Variants in TNRC6B observed in about 807,000 individuals in gnomAD.
TNRC6B encodes the protein trinucleotide repeat containing adaptor 6B.
In TNRC6B, 52 loss-of-function variants were observed where a neutral mutation model predicts 203.6. The observed-to-expected ratio is 0.26, with a 90% CI of 0.20 to 0.32. The LOEUF (loss-of-function observed/expected upper bound fraction) is 0.32, where lower values mean the gene tolerates loss of function less well. Ranked by LOEUF, TNRC6B falls within the 10% of genes least tolerant of loss-of-function variation. TNRC6B has a pLI of 1.00. For missense variants in TNRC6B, 1,923 were observed against 2,286.2 expected (o/e 0.84, Z 3.24); for synonymous variants, 838 against 845.7 (o/e 0.99, Z 0.16).
chr22:40,256,390 C>T (rs943406901), intron 3 of TNRC6B, among the ~76,000 whole-genome samples: 1 of 152,180 alleles, frequency 6.6e-6, no homozygotes, highest in Non-Finnish European at 1.5e-5. Context: ...TGGCCAAATT[C>T]ATTTGCCATT....
At position 40,261,982 on chromosome 22, in the gene TNRC6B, G is replaced by A; in HGVS notation, c.266G>A (p.Arg89Gln). The A allele has an allele frequency of 6.2e-7, 1 of 1,611,718 alleles. No individual in the cohort carries two copies. The highest frequency in any genetic ancestry group is 8.5e-7 in the Non-Finnish European group (1 of 1,178,586). ...CCAAGCGCCGCCCGCTACATGCCTC[G>A]GGAGGTGCCGCCGCGATTCCGTTGC... ...QPPSAARYMP[R>Q]EVPPRFRCQQ... Residue 89 changes from arginine to glutamine, a missense_variant, in exon 4 of 23, where the codon CGG becomes CAG. By Grantham distance (43) the Arg-to-Gln change is conservative. Around this residue, in one of 8 missense-constraint regions of TNRC6B, gnomAD observed 111 missense variants for 155.3 expected, o/e 0.71. Coordinates refer to ENST00000454349, the MANE Select transcript of TNRC6B (RefSeq NM_001162501.2).
rs903607212 is a variant in TNRC6B at position 40,327,052 on chromosome 22, A to C, written c.*3811A>C. The C allele has an allele frequency of 7.2e-5, 11 of 152,622 alleles. No homozygotes were observed. Among genetic ancestry groups the C allele is most frequent in the African/African-American group, 2.7e-4 (11 of 41,448 alleles). The allele number at this position is 152,622 out of a possible 1,614,324, so 9.5% of individuals were successfully genotyped here. A position where few individuals can be genotyped will look rare whatever the true frequency, so the allele number is the denominator to read the frequency against. On this transcript the variant is annotated 3_prime_UTR_variant, in exon 23 of 23. Coordinates refer to ENST00000454349, the MANE Select transcript of TNRC6B (RefSeq NM_001162501.2). ...TTCTTTTGTATTCCCTCCTGGGGCC[A>C]GGGGTCAGAATTCCCAAGCATGACC...
At chr22:40,294,757 T>A (rs1316668930) in intron 12 of TNRC6B, among the ~76,000 whole-genome samples, 1 of 152,226 alleles carries the variant, frequency 6.6e-6, no homozygotes, top group Non-Finnish European at 1.5e-5. Context: ...AGTTTGAAAT[T>A]ATTATATCAG....
At chr22:40,168,255 A>G (rs1440468214) in intron 4 of TNRC6B, among the ~76,000 whole-genome samples, 1 of 152,192 alleles carries the variant, frequency 6.6e-6, no homozygotes, top group Non-Finnish European at 1.5e-5. Context: ...TTGTTCATTC[A>G]TTCCACAATA....
At chr22:40,283,409 A>G (rs2070742974) in intron 11 of TNRC6B, among the ~76,000 whole-genome samples, 1 of 152,172 alleles carries the variant, frequency 6.6e-6, no homozygotes, top group Non-Finnish European at 1.5e-5. Context: ...TCCTAGCCTC[A>G]GCCTCCCAAA....
At chr22:40,199,889 T>C (rs1268435157) in intron 1 of TNRC6B, among the ~76,000 whole-genome samples, 3 of 152,052 alleles carry the variant, frequency 2.0e-5, no homozygotes, top group Admixed American at 2.0e-4. Context: ...CTCCGCCTTC[T>C]GGGTTCAAAC....
rs1274674425 is a variant in TNRC6B, at chr22:40,328,092, G to T, written c.*4851G>T. On this transcript the variant is annotated 3_prime_UTR_variant, in exon 23 of 23. Coordinates refer to ENST00000454349, the MANE Select transcript of TNRC6B (RefSeq NM_001162501.2). ...GATCTCTGAGACACTGTGAAGAAAT[G>T]GATGGCTCATGTAACATCTCTGATC... is the stretch of plus-strand genomic sequence containing the variant. 1 of 152,136 alleles carries T rather than the reference G, an allele frequency of 6.6e-6. No individual in the cohort carries two copies. Among genetic ancestry groups the T allele is most frequent in the Non-Finnish European group, 1.5e-5 (1 of 68,026 alleles). The allele number at this position is 152,136 out of a possible 1,614,324, so 9.4% of individuals were successfully genotyped here. A position where few individuals can be genotyped will look rare whatever the true frequency, so the allele number is the denominator to read the frequency against.
intron 1 of TNRC6B, among the ~76,000 whole-genome samples, chr22:40,236,865 G>A (rs1206343198): frequency 6.6e-6 from 1 of 152,274 alleles, no homozygotes; most frequent in South Asian, 2.1e-4. Flanking sequence ...CTAGTTTGTG[G>A]AAAGAAGTTT....
intron 1 of TNRC6B, among the ~76,000 whole-genome samples, chr22:40,105,761 T>C (rs923771211): frequency 6.6e-6 from 1 of 152,202 alleles, no homozygotes; most frequent in Non-Finnish European, 1.5e-5. Flanking sequence ...TTGGGGTACA[T>C]GTGCATACAT....
chr22:40,162,284 C>T (rs190050133), intron 4 of TNRC6B, among the ~76,000 whole-genome samples: 4 of 152,034 alleles, frequency 2.6e-5, no homozygotes, highest in African/African-American at 4.8e-5. Flanking sequence ...TTAGTAGAGA[C>T]GGGGTTTCAC....
rs796181578 is a variant in TNRC6B, at chr22:40,050,828, G to GTT, written c.-121+5843_-121+5844dup. On this transcript the variant is annotated intron_variant, in intron 1 of 23. Coordinates refer to the TNRC6B transcript ENST00000301923. ...TGTCCTGTAGTTTTTTTGTTTTTGG[G>GTT]TTTTTTTTTTTTTTGAGACAGAGTC... is the stretch of plus-strand genomic sequence containing the variant. Among the ~76,000 whole-genome samples the GTT allele has an allele frequency of 2.0e-3, 286 of 141,112 alleles. 1 individual carries two copies. Among genetic ancestry groups the GTT allele is most frequent in the African/African-American group, 6.7e-3 (262 of 38,816 alleles). 92.6% of individuals were successfully genotyped at this position (141,112 alleles called of 152,430 possible).
intron 1 of TNRC6B, among the ~76,000 whole-genome samples, chr22:40,234,590 G>A (rs2069922895): frequency 1.3e-5 from 2 of 152,084 alleles, no homozygotes; most frequent in Non-Finnish European, 2.9e-5. Context: ...AGAAAGGAAG[G>A]TAACACAATG....
At chr22:40,221,169 C>G (rs1233933639) in intron 1 of TNRC6B, among the ~76,000 whole-genome samples, 1 of 152,154 alleles carries the variant, frequency 6.6e-6, no homozygotes, top group Non-Finnish European at 1.5e-5. Flanking sequence ...CCAGTTCTTT[C>G]ACCATTCCAT....
intron 1 of TNRC6B, among the ~76,000 whole-genome samples, chr22:40,060,965 A>G (rs2067845082): frequency 6.6e-6 from 1 of 152,210 alleles, no homozygotes; most frequent in African/African-American, 2.4e-5. Context: ...AACCACCCTT[A>G]TCAATTAGAG....
At chr22:40,310,771 T>C (rs1259335114) in intron 16 of TNRC6B, 46 bp from the exon 17 acceptor site, 3 of 1,555,410 alleles carry the variant, frequency 1.9e-6, no homozygotes, top group East Asian at 2.3e-5. Flanking sequence ...ACAAGTTCTA[T>C]TCATAGGAGT....
intron 3 of TNRC6B, among the ~76,000 whole-genome samples, chr22:40,138,876 G>C (rs1371763109): frequency 1.3e-5 from 2 of 152,014 alleles, no homozygotes; most frequent in African/African-American, 4.8e-5. Flanking sequence ...TAAAAATAAA[G>C]GTAAATTAAG....
Position 40,269,646 on chromosome 22 carries a change from G to A in TNRC6B, c.2807-476G>A, listed in dbSNP as rs902487707. On this transcript the variant is annotated intron_variant, in intron 5 of 22. Transcript: ENST00000454349. The stretch of plus-strand genomic sequence containing the variant: ...GCCTGTAATCCCAGCACTTTGGGAG[G>A]CTGAGCCAGGCAGATCACAAGGTCA... Among the ~76,000 whole-genome samples, 6 of 152,164 alleles carry A rather than the reference G, an allele frequency of 3.9e-5. No individual in the cohort carries two copies. The South Asian group carries it at 1.0e-3, about 26-fold the overall frequency.
chr22:40,049,427 T>A (rs761690862), intron 1 of TNRC6B, among the ~76,000 whole-genome samples: 1 of 152,146 alleles, frequency 6.6e-6, no homozygotes, highest in Non-Finnish European at 1.5e-5. Flanking sequence ...ATCCCGGAGA[T>A]AAACACTAAG....
In TNRC6B at chr22:40,258,071, C is replaced by CTTTTTTTTTTTTTTTT. The variant is rs56078653; in HGVS notation, c.116-3746_116-3731dup. Among the ~76,000 whole-genome samples, 100 of 28,714 alleles carry CTTTTTTTTTTTTTTTT rather than the reference C, an allele frequency of 3.5e-3. 17 individuals carry two copies. Among genetic ancestry groups the CTTTTTTTTTTTTTTTT allele is most frequent in the East Asian group, 7.5e-3 (4 of 536 alleles). The allele number at this position is 28,714 out of a possible 152,430, so 18.8% of individuals were successfully genotyped here. ...GAAATCAGAAAATAGGATACACAGC[C>CTTTTTTTTTTTTTTTT]TTTTTTTTTTTTTTTTTTTTTTTTT... On this transcript the variant is annotated intron_variant, in intron 3 of 22. Transcript: ENST00000454349.
Sources: allele counts gnomAD v4.1 joint callset (sites outside exome capture counted in the v4.1 genomes callset), GRCh38; gene constraint gnomAD v4.1.1; regional missense constraint gnomAD v4.1.1; transcripts MANE v1.5; gene names NCBI Gene and HGNC (gene_info 2026-07-23, HGNC 2026-07-21).